The following ADD1 variants were observed in gnomAD, a reference collection of about 807,000 sequenced individuals.
ADD1 encodes the protein adducin 1, also known as alpha-adducin.
ADD1 carries 24 observed loss-of-function variants against 80.5 expected under a neutral mutation model. The observed-to-expected ratio is 0.30, with a 90% CI of 0.22 to 0.42. The LOEUF is 0.42. ADD1 is among the 10% of genes least tolerant of loss of function. The pLI is 1.00. For missense variants in ADD1, 948 were observed against 1,019.0 expected (o/e 0.93, Z 0.95); for synonymous variants, 373 against 393.8 (o/e 0.95, Z 0.63).
rs376695038 is a variant in ADD1, at chr4:2,885,818, G to C, written c.510+1152G>C. The stretch of plus-strand genomic sequence containing the variant: ...GTAGAGACGGGGTTTCACCGTGTTA[G>C]CCAGGATGGTCTCGATCTCCTGACC... On this transcript the variant is annotated intron_variant, in intron 4 of 15. Transcript: ENST00000683351. Among the ~76,000 whole-genome samples, 80 of 151,558 alleles carry C rather than the reference G, an allele frequency of 5.3e-4. 1 individual carries two copies. In the South Asian group the frequency reaches 0.011, roughly 21 times the overall value.
In ADD1 at chr4:2,929,203, C is replaced by G. The variant is rs1287237333; in HGVS notation, c.*680C>G. The stretch of plus-strand genomic sequence containing the variant: ...CTTTTTCACTTGGGTCTCTGGATTC[C>G]TGTCATAGGGAAGGTATATCAGGAG... On this transcript the variant is annotated 3_prime_UTR_variant, in exon 16 of 16. Coordinates refer to ENST00000683351, the MANE Select transcript of ADD1 (RefSeq NM_001354761.2). The G allele has an allele frequency of 6.6e-6, 1 of 152,176 alleles. No homozygotes were observed. Among genetic ancestry groups the G allele is most frequent in the Non-Finnish European group, 1.5e-5 (1 of 68,050 alleles). 9.4% of individuals were successfully genotyped at this position (152,176 alleles called of 1,614,324 possible).
intron 1 of ADD1, among the ~76,000 whole-genome samples, chr4:2,859,069 G>A (rs1421995762): frequency 1.3e-5 from 2 of 152,180 alleles, no homozygotes; most frequent in African/African-American, 2.4e-5. Context: ...TCTGTGGGGA[G>A]AAGGGATTGT....
At chr4:2,887,707 G>A (rs1020421878) in intron 4 of ADD1, 1 of 152,184 alleles carries the variant, frequency 6.6e-6, no homozygotes, top group Non-Finnish European at 1.5e-5. Flanking sequence ...ACGTGATAGT[G>A]GTCTCCTCTG....
intron 1 of ADD1, 172 bp downstream of exon 1, chr4:2,844,196 C>T (rs1281318853): frequency 1.3e-5 from 2 of 151,928 alleles, no homozygotes; most frequent in African/African-American, 4.8e-5. Flanking sequence ...TGGAGGGGTC[C>T]CCGCGGGGCC....
intron 2 of ADD1, among the ~76,000 whole-genome samples, chr4:2,880,493 T>TTG: frequency 8.2e-6 from 1 of 122,186 alleles, no homozygotes; most frequent in African/African-American, 3.3e-5. Flanking sequence ...TTTTTTTTTT[T>TTG]GAGACGGAGT....
At chr4:2,906,474 C>T (rs528951697) in intron 10 of ADD1, among the ~76,000 whole-genome samples, 11 of 151,948 alleles carry the variant, frequency 7.2e-5, no homozygotes, top group Admixed American at 1.3e-4. Flanking sequence ...TTTTCCAAAG[C>T]GTTTAGGCAG....
intron 1 of ADD1, among the ~76,000 whole-genome samples, chr4:2,856,121 G>T (rs542025570): frequency 4.6e-5 from 7 of 151,340 alleles, no homozygotes; most frequent in African/African-American, 1.2e-4. Context: ...TTGAATTCCT[G>T]GGCTCAAGTA....
At chr4:2,880,463 C>CTTT (rs1167878841) in intron 2 of ADD1, among the ~76,000 whole-genome samples, 1,207 of 63,372 alleles carry the variant, frequency 0.019, 27 homozygotes, top group Middle Eastern at 0.04. Context: ...TTCTTTCTTT[C>CTTT]TTTTTTTTTT....
intron 12 of ADD1, chr4:2,909,062 C>T (rs1428773676): frequency 6.0e-6 from 3 of 503,772 alleles, no homozygotes; most frequent in Non-Finnish European, 1.1e-5. Flanking sequence ...TACCTTGTGG[C>T]ACATTGAAGA....
chr4:2,886,571 C>T (rs1304387079), intron 4 of ADD1, among the ~76,000 whole-genome samples: 1 of 152,182 alleles, frequency 6.6e-6, no homozygotes, highest in African/African-American at 2.4e-5. Flanking sequence ...CCTCTCTGCC[C>T]ACAGGAATAT....
At chr4:2,892,298 A>G (rs1734421212) in intron 4 of ADD1, among the ~76,000 whole-genome samples, 1 of 152,178 alleles carries the variant, frequency 6.6e-6, no homozygotes, top group Non-Finnish European at 1.5e-5. Flanking sequence ...TAGTAAATGT[A>G]TTTGAACTTA....
At chr4:2,850,550 T>G (rs1366148836) in intron 1 of ADD1, among the ~76,000 whole-genome samples, 1 of 152,160 alleles carries the variant, frequency 6.6e-6, no homozygotes, top group Non-Finnish European at 1.5e-5. Flanking sequence ...CTCAGCCTCC[T>G]GAGTAGCTGG....
intron 11 of ADD1, among the ~76,000 whole-genome samples, chr4:2,908,184 G>A (rs1737385392): frequency 6.6e-6 from 1 of 152,262 alleles, no homozygotes; most frequent in Non-Finnish European, 1.5e-5. Flanking sequence ...TGGTGTATCA[G>A]AGCAGGAGCC....
chr4:2,920,538 G>C lies in ADD1; in HGVS notation c.1949-5476G>C, dbSNP rs537803360. Among the ~76,000 whole-genome samples, 7 of 152,254 alleles carry C rather than the reference G, an allele frequency of 4.6e-5. No individual in the cohort carries two copies. The South Asian group carries it at 1.2e-3, about 27-fold the overall frequency. Reference sequence around the variant, plus strand: ...CTGTATTGGGTGCTTGTATATTTAAGATAGTTAGTTCTTGTTGTTGCATTG... The same window carrying C: ...CTGTATTGGGTGCTTGTATATTTAACATAGTTAGTTCTTGTTGTTGCATTG... On this transcript the variant is annotated intron_variant, in intron 14 of 15. Transcript: ENST00000683351.
At position 2,926,546 on chromosome 4, in the gene ADD1, G is replaced by A; in HGVS notation, c.2047+434G>A. ...CATCCATGTCTCTCGTGAAGCCCGT[G>A]GCCCTGCCTTTCTTCTTCTGTAACC... On this transcript the variant is annotated intron_variant, in intron 15 of 15. Transcript: ENST00000683351. This position sits in a 1 kb window ranked among gnomAD's most constrained non-coding sequence, Gnocchi z 5.0. 7.4e-7 allele frequency: 1 copy of A among 1,347,764 alleles called. No individual in the cohort carries two copies. The highest frequency in any genetic ancestry group is 1.0e-6 in the Non-Finnish European group (1 of 955,226). 83.5% of individuals were successfully genotyped at this position (1,347,764 alleles called of 1,614,324 possible).
rs373803874 is a variant in ADD1, at chr4:2,904,835, G to C, written c.1233G>C (p.Glu411Asp). ...AGTCTAAAAAATACAGCGATGTGGA[G>C]GTTCCTGCTAGTGTCACAGGTTACT... Reference protein sequence around the residue: ...REKSKKYSDVEVPASVTGYSF... With the variant: ...REKSKKYSDVDVPASVTGYSF... The change falls in exon 10 of 16, where the codon GAG becomes GAC. Residue 411 changes from glutamate to aspartate, a missense_variant. By Grantham distance (45) the Glu-to-Asp change is conservative. Transcript: ENST00000683351. 1.2e-6 allele frequency: 2 copies of C among 1,614,174 alleles called. No homozygotes were observed. Among genetic ancestry groups the C allele is most frequent in the African/African-American group, 1.3e-5 (1 of 75,038 alleles).
rs531989078 is a variant in ADD1, at chr4:2,883,567, T to C, written c.359-948T>C. ...TATTTATTTAGAGATAAGTTCTTGC[T>C]CTTTCACCCATGCTGGAGTACAGTG... On this transcript the variant is annotated intron_variant, in intron 3 of 15. Coordinates refer to ENST00000683351, the MANE Select transcript of ADD1 (RefSeq NM_001354761.2). 2.6e-5 allele frequency among the ~76,000 whole-genome samples: 4 copies of C among 152,292 alleles called. No homozygotes were observed. The East Asian group carries it at 7.7e-4, about 29-fold the overall frequency.
intron 1 of ADD1, among the ~76,000 whole-genome samples, chr4:2,862,665 A>G (rs1728977635): frequency 6.6e-6 from 1 of 152,036 alleles, no homozygotes; most frequent in Admixed American, 6.6e-5. Flanking sequence ...TGCTCTTCCT[A>G]CTTAATGATG....
intron 4 of ADD1, among the ~76,000 whole-genome samples, chr4:2,893,799 C>T (rs1734705599): frequency 6.6e-6 from 1 of 152,046 alleles, no homozygotes; most frequent in African/African-American, 2.4e-5. Context: ...TTATCATGAA[C>T]GTGAGCAAGA....
Sources: gnomAD v4.1 joint callset for allele counts (sites outside exome capture counted in the v4.1 genomes callset) on GRCh38, gnomAD v4.1.1 for gene constraint, Gnocchi (gnomAD v3.1) non-coding constraint, MANE v1.5 for transcripts, NCBI Gene and HGNC (gene_info 2026-07-23, HGNC 2026-07-21) for gene names.